Variants in CNNM2 observed in about 807,000 individuals in gnomAD.
The protein encoded by CNNM2 is metal transporter CNNM2.
A neutral mutation model predicts 66.9 loss-of-function variants in CNNM2; 12 were observed. The ratio of observed to expected loss-of-function variants is 0.18; its 90% CI spans 0.11 to 0.29. The LOEUF (loss-of-function observed/expected upper bound fraction) is 0.29, where lower values mean the gene tolerates loss of function less well. Ranked by LOEUF, CNNM2 falls within the 10% of genes least tolerant of loss-of-function variation. The pLI, the probability that CNNM2 is intolerant of heterozygous loss-of-function variation, is 1.00. For missense variants in CNNM2, 705 were observed against 1,167.7 expected, an observed-to-expected ratio of 0.60 and a Z score of 5.77; for synonymous variants, 557 against 501.8, an observed-to-expected ratio of 1.11 and a Z score of -1.47.
intron 1 of CNNM2, among the ~76,000 whole-genome samples, chr10:102,995,761 T>C (rs957666052): frequency 6.6e-6 from 1 of 151,692 alleles, no homozygotes; most frequent in African/African-American, 2.4e-5. Flanking sequence ...AGTTTCACTC[T>C]TGTTGCCCAG....
At chr10:103,035,775 A>T (rs1253153171) in intron 1 of CNNM2, among the ~76,000 whole-genome samples, 1 of 152,158 alleles carries the variant, frequency 6.6e-6, no homozygotes, top group Non-Finnish European at 1.5e-5. Context: ...ATCCTAACTT[A>T]GGGGAGAGGG....
In CNNM2 at chr10:102,998,937, T is replaced by C. The variant is rs144411117; in HGVS notation, c.1622-50770T>C. 0.016 allele frequency among the ~76,000 whole-genome samples: 2,368 copies of C among 152,248 alleles called. 53 individuals carry two copies. Among genetic ancestry groups the C allele is most frequent in the African/African-American group, 0.053 (2,202 of 41,542 alleles). ...GTTTGTTTTTTGAGACAGGGTCTTA[T>C]TCTGTTGCCCAGGCTAGAGTGCAGT... On this transcript the variant is annotated intron_variant, in intron 1 of 7. Transcript: ENST00000369878.
intron 4 of CNNM2, chr10:103,068,308 A>T (rs2065515104): frequency 4.1e-6 from 1 of 244,286 alleles, no homozygotes; most frequent in African/African-American, 2.2e-5. Context: ...TGAGCTCAAG[A>T]GTTCAAAACC....
At chr10:103,031,368 T>C (rs1016209130) in intron 1 of CNNM2, among the ~76,000 whole-genome samples, 1 of 152,172 alleles carries the variant, frequency 6.6e-6, no homozygotes, top group African/African-American at 2.4e-5. Flanking sequence ...ATATACACTT[T>C]GTTTGAGTTT....
chr10:103,023,053 C>T (rs1165079949), intron 1 of CNNM2, among the ~76,000 whole-genome samples: 1 of 152,134 alleles, frequency 6.6e-6, no homozygotes, highest in African/African-American at 2.4e-5. Flanking sequence ...CAGGTGCACA[C>T]CACCACACTC....
In CNNM2 at chr10:103,054,185, T is replaced by TC; in HGVS notation, c.1766-140dup. The TC allele has an allele frequency of 1.1e-6, 1 of 879,624 alleles. No individual in the cohort carries two copies. The highest frequency in any genetic ancestry group is 1.7e-5 in the African/African-American group (1 of 58,928). 54.5% of individuals were successfully genotyped at this position (879,624 alleles called of 1,614,324 possible). A position where few individuals can be genotyped will look rare whatever the true frequency, so the allele number is the denominator to read the frequency against. ...GAGGATCTGGCTCTCCCTCCCTCCT[T>TC]CCCCGTGGCATCTGTGCATAGAGCG... On this transcript the variant is annotated intron_variant, in intron 2 of 7. Transcript: ENST00000369878. This position sits in a 1 kb window ranked among gnomAD's most constrained non-coding sequence, Gnocchi z 5.2.
chr10:102,944,581 CGTGTGTGTGTGTGTGTGT>C (rs148795286), intron 1 of CNNM2, among the ~76,000 whole-genome samples: 1 of 143,380 alleles, frequency 7.0e-6, no homozygotes, highest in South Asian at 2.3e-4. Flanking sequence ...TGTATCTTTT[CGTGTGTGTGTGTGTGTGT>C]GTGTGTGTGT....
At position 103,054,543 on chromosome 10, in the gene CNNM2, G is replaced by T; in HGVS notation, c.1903+77G>T. ...TCTCACCCACCACTGACTGGGGTGG[G>T]TTGGGGGTGGACACTGGGAAATGGG... On this transcript the variant is annotated intron_variant, in intron 3 of 7. Transcript: ENST00000369878. The surrounding 1 kb of genome is among the most constrained non-coding windows in gnomAD (Gnocchi z 5.2). 3 of 1,506,554 alleles carry T rather than the reference G, an allele frequency of 2.0e-6. No individual in the cohort carries two copies. Among genetic ancestry groups the T allele is most frequent in the Non-Finnish European group, 2.7e-6 (3 of 1,104,376 alleles). The allele number at this position is 1,506,554 out of a possible 1,614,324, so 93.3% of individuals were successfully genotyped here.
At chr10:102,981,975 A>G (rs1351942787) in intron 1 of CNNM2, among the ~76,000 whole-genome samples, 1 of 151,996 alleles carries the variant, frequency 6.6e-6, no homozygotes, top group Non-Finnish European at 1.5e-5. Flanking sequence ...TTCTCATGGT[A>G]ACAGTGGAGG....
At chr10:103,066,070 GGTCA>G (rs2065471813) in intron 4 of CNNM2, among the ~76,000 whole-genome samples, 1 of 152,150 alleles carries the variant, frequency 6.6e-6, no homozygotes, top group African/African-American at 2.4e-5. Context: ...AGCGGCCTGT[GGTCA>G]GTGATTGCTC....
At chr10:102,939,966 TC>T (rs1297565103) in intron 1 of CNNM2, among the ~76,000 whole-genome samples, 1 of 147,080 alleles carries the variant, frequency 6.8e-6, no homozygotes, top group Admixed American at 6.8e-5. Context: ...AGTCTCCATC[TC>T]AAAAAACAAA....
In CNNM2 at chr10:103,077,728, C is replaced by G. The variant is rs776291728; in HGVS notation, c.*548C>G. 5 of 156,664 alleles carry G rather than the reference C, an allele frequency of 3.2e-5. No individual in the cohort carries two copies. The highest frequency in any genetic ancestry group is 4.8e-5 in the African/African-American group (2 of 41,436). The allele number at this position is 156,664 out of a possible 1,614,324, so 9.7% of individuals were successfully genotyped here. On this transcript the variant is annotated 3_prime_UTR_variant, in exon 8 of 8. Transcript: ENST00000369878. ...ATCTCGCTGGCTGAATGAAGAAGAC[C>G]GTGTTACTGCAGAACCTGCCAAGTC...
intron 2 of CNNM2, among the ~76,000 whole-genome samples, chr10:103,053,729 C>T (rs556098230): frequency 1.3e-5 from 2 of 152,260 alleles, no homozygotes; most frequent in Non-Finnish European, 1.5e-5. Context: ...GACCTCTGTC[C>T]GGATCCCATT....
intron 1 of CNNM2, among the ~76,000 whole-genome samples, chr10:103,008,728 G>A (rs1032138368): frequency 3.1e-4 from 42 of 135,940 alleles, no homozygotes; most frequent in Non-Finnish European, 5.2e-4. Flanking sequence ...GCTGTGAGCC[G>A]AGATCAAGCC....
intron 4 of CNNM2, among the ~76,000 whole-genome samples, chr10:103,058,694 G>A (rs2065334581): frequency 6.6e-6 from 1 of 152,136 alleles, no homozygotes; most frequent in Non-Finnish European, 1.5e-5. Context: ...TGAACTGTTA[G>A]GCTGATAATG....
At chr10:103,008,778 C>CA (rs35992147) in intron 1 of CNNM2, among the ~76,000 whole-genome samples, 80,570 of 105,820 alleles carry the variant, frequency 0.76, 30,980 homozygotes, top group African/African-American at 0.83. Flanking sequence ...GACCCTGTCT[C>CA]AAAAAAAAAA....
intron 1 of CNNM2, among the ~76,000 whole-genome samples, chr10:102,934,704 T>A (rs533765052): frequency 6.6e-6 from 1 of 152,060 alleles, no homozygotes; most frequent in African/African-American, 2.4e-5. Context: ...GTAAACCAGG[T>A]GTTGTGGCAC....
intron 1 of CNNM2, among the ~76,000 whole-genome samples, chr10:103,020,387 C>T (rs948211047): frequency 6.6e-6 from 1 of 152,070 alleles, no homozygotes; most frequent in East Asian, 1.9e-4. Context: ...AAATCCTGAC[C>T]TCAGGTGATC....
intron 1 of CNNM2, among the ~76,000 whole-genome samples, chr10:102,999,624 T>C (rs2064077050): frequency 6.6e-6 from 1 of 152,032 alleles, no homozygotes; most frequent in African/African-American, 2.4e-5. Flanking sequence ...TTTAATACAA[T>C]CCTTATCAAA....
Sources: allele counts gnomAD v4.1 joint callset (sites outside exome capture counted in the v4.1 genomes callset), GRCh38; gene constraint gnomAD v4.1.1; non-coding constraint Gnocchi (gnomAD v3.1); transcripts MANE v1.5; gene names NCBI Gene and HGNC (gene_info 2026-07-23, HGNC 2026-07-21).